TET3: variants seen among roughly 807,000 people sequenced by gnomAD.
TET3 encodes the protein methylcytosine dioxygenase TET3.
A neutral mutation model predicts 141.4 loss-of-function variants in TET3; 19 were observed. The observed-to-expected ratio is 0.13, with a 90% CI of 0.09 to 0.20. The LOEUF (loss-of-function observed/expected upper bound fraction) is 0.20. Ranked by LOEUF, TET3 falls within the 10% of genes least tolerant of loss-of-function variation. The pLI is 1.00. For synonymous variants in TET3, 1,043 were observed against 980.9 expected, an observed-to-expected ratio of 1.06 and a Z score of -1.18; for missense variants, 1,874 against 2,356.9, an observed-to-expected ratio of 0.80 and a Z score of 4.24.
At chr2:73,992,617 G>A (rs541981036) in intron 2 of TET3, among the ~76,000 whole-genome samples, 166 of 147,094 alleles carry the variant, frequency 1.1e-3, no homozygotes, top group Non-Finnish European at 1.9e-3. Flanking sequence ...CCCGGCCCTT[G>A]TTGTTTTTTT....
intron 2 of TET3, chr2:73,993,600 C>G (rs554755692): frequency 1.5e-3 from 227 of 152,308 alleles, no homozygotes; most frequent in African/African-American, 4.7e-3. Context: ...TGACCCAACC[C>G]ATTTCCTGAC....
chr2:74,050,252 C>T (rs72907136), intron 4 of TET3, among the ~76,000 whole-genome samples: 2,948 of 152,324 alleles, frequency 0.019, 94 homozygotes, highest in African/African-American at 0.066. Context: ...TAACCCATCA[C>T]GGTTTCTGCT....
At chr2:74,069,425 T>C (rs1419158711) in intron 4 of TET3, among the ~76,000 whole-genome samples, 1 of 150,610 alleles carries the variant, frequency 6.6e-6, no homozygotes, top group Non-Finnish European at 1.5e-5. Flanking sequence ...TTAAATTAAT[T>C]TTTTACATTT....
At chr2:74,043,140 T>G (rs1687431869) in intron 3 of TET3, among the ~76,000 whole-genome samples, 1 of 152,230 alleles carries the variant, frequency 6.6e-6, no homozygotes, top group Non-Finnish European at 1.5e-5. Flanking sequence ...TGTTTCTTCT[T>G]GGTTATGCAT....
At chr2:74,074,652 T>C (rs1481747996) in intron 5 of TET3, among the ~76,000 whole-genome samples, 1 of 152,212 alleles carries the variant, frequency 6.6e-6, no homozygotes, top group Non-Finnish European at 1.5e-5. Flanking sequence ...TGTTCTGCTC[T>C]TCTGTGACTC....
the TET3 span, among the ~76,000 whole-genome samples, chr2:74,116,977 G>A: frequency 1.3e-5 from 2 of 152,024 alleles, no homozygotes; most frequent in African/African-American, 2.4e-5. Context: ...GCAGCAACCA[G>A]GGAACTCAGG....
chr2:74,061,832 G>C (rs1396968520), intron 4 of TET3, among the ~76,000 whole-genome samples: 1 of 139,044 alleles, frequency 7.2e-6, no homozygotes, highest in Non-Finnish European at 1.5e-5. Context: ...GGGCGGCCGG[G>C]CAGAGACGCT....
At chr2:74,002,479 G>A (rs1169602780) in intron 2 of TET3, among the ~76,000 whole-genome samples, 4 of 152,036 alleles carry the variant, frequency 2.6e-5, no homozygotes, top group Admixed American at 1.3e-4. Flanking sequence ...GGGTCCCCGC[G>A]GGAGGAGGCC....
intron 3 of TET3, among the ~76,000 whole-genome samples, chr2:74,019,926 T>G (rs1685945910): frequency 6.6e-6 from 1 of 152,178 alleles, no homozygotes; most frequent in African/African-American, 2.4e-5. Flanking sequence ...TTTCTTAGCT[T>G]CCAATCATTT....
chr2:74,017,152 G>A (rs1351848786), intron 3 of TET3, among the ~76,000 whole-genome samples: 2 of 152,206 alleles, frequency 1.3e-5, no homozygotes, highest in Middle Eastern at 3.4e-3. Flanking sequence ...AGCCCCGCAC[G>A]ACATTGTATG....
At chr2:74,017,369 C>T (rs1333842978) in intron 3 of TET3, among the ~76,000 whole-genome samples, 1 of 152,188 alleles carries the variant, frequency 6.6e-6, no homozygotes, top group Non-Finnish European at 1.5e-5. Context: ...AATGTGTTAA[C>T]CAACCTTTGG....
At chr2:74,128,194 G>A in the TET3 span, among the ~76,000 whole-genome samples, 2 of 150,214 alleles carry the variant, frequency 1.3e-5, no homozygotes, top group African/African-American at 2.4e-5. Flanking sequence ...TTTTTTTTTC[G>A]CTTGGTGTAG....
At chr2:73,984,645 AC>A (rs1683900659), upstream of TET3, among the ~76,000 whole-genome samples, 1 of 151,558 alleles carries the variant, frequency 6.6e-6, no homozygotes, top group Non-Finnish European at 1.5e-5. This position sits in a 1 kb window ranked among gnomAD's most constrained non-coding sequence, Gnocchi z 5.6. Context: ...AGGGTGGCCA[AC>A]CCGAAGGGGG....
intron 4 of TET3, among the ~76,000 whole-genome samples, chr2:74,053,098 T>C (rs1688033303): frequency 6.6e-6 from 1 of 152,226 alleles, no homozygotes; most frequent in Non-Finnish European, 1.5e-5. Flanking sequence ...AGAAGTAAAC[T>C]TATAAGCTAT....
chr2:74,118,610 T>C, the TET3 span, among the ~76,000 whole-genome samples: 1 of 152,198 alleles, frequency 6.6e-6, no homozygotes, highest in Non-Finnish European at 1.5e-5. Flanking sequence ...AAAATGTATA[T>C]GTGGGTTAGT....
intron 4 of TET3, among the ~76,000 whole-genome samples, chr2:74,056,692 A>G (rs1312193041): frequency 6.6e-6 from 1 of 152,202 alleles, no homozygotes; most frequent in East Asian, 1.9e-4. Flanking sequence ...TACAAGGTAA[A>G]ATAGTGACTT....
rs142182630 is a variant in TET3 at position 74,013,668 on chromosome 2, C to T, written c.360+10502C>T. Among the ~76,000 whole-genome samples the T allele has an allele frequency of 5.9e-3, 901 of 151,982 alleles. 6 individuals carry two copies. The highest frequency in any genetic ancestry group is 0.017 in the African/African-American group (701 of 41,458). Reference sequence around the variant, plus strand: ...ACTGAAAATACAAAAAAAAATTAGCCGGGCGTGGTGGCGGGTGCTTGTATT... The same window carrying T: ...ACTGAAAATACAAAAAAAAATTAGCTGGGCGTGGTGGCGGGTGCTTGTATT... On this transcript the variant is annotated intron_variant, in intron 3 of 11. Transcript: ENST00000409262.
At chr2:74,079,056 A>C (rs1471357346) in intron 5 of TET3, among the ~76,000 whole-genome samples, 1 of 152,200 alleles carries the variant, frequency 6.6e-6, no homozygotes, top group Admixed American at 6.5e-5. Flanking sequence ...GCCCTTCAGA[A>C]ACTTGGCCAG....
At chr2:73,990,208 C>T (rs1403162498) in intron 2 of TET3, among the ~76,000 whole-genome samples, 1 of 100,492 alleles carries the variant, frequency 1.0e-5, no homozygotes, top group Non-Finnish European at 2.0e-5. Context: ...AGCAAGACCC[C>T]ATTGCTAAAA....
Sources: allele counts gnomAD v4.1 joint callset (sites outside exome capture counted in the v4.1 genomes callset), GRCh38; gene constraint gnomAD v4.1.1; non-coding constraint Gnocchi (gnomAD v3.1); transcripts MANE v1.5; gene names NCBI Gene and HGNC (gene_info 2026-07-23, HGNC 2026-07-21).